The following MYO10 variants were observed in gnomAD, a reference collection of about 807,000 sequenced individuals.
MYO10 encodes the protein unconventional myosin-X.
MYO10 carries 133 observed loss-of-function variants against 257.3 expected under a neutral mutation model. That is an observed-to-expected ratio of 0.52 (90% confidence interval 0.45 to 0.60). MYO10 has a LOEUF of 0.60. MYO10 is among the 20% of genes least tolerant of loss of function. The pLI, the probability that MYO10 is intolerant of heterozygous loss-of-function variation, is 0.00. For synonymous variants in MYO10, 1,104 were observed against 1,028.6 expected, an observed-to-expected ratio of 1.07 and a Z score of -1.40; for missense variants, 2,399 against 2,635.7, an observed-to-expected ratio of 0.91 and a Z score of 1.97.
intron 3 of MYO10, among the ~76,000 whole-genome samples, chr5:16,797,849 G>T (rs1333354811): frequency 1.3e-5 from 2 of 152,232 alleles, no homozygotes; most frequent in African/African-American, 4.8e-5. Context: ...GTAGAACTAA[G>T]ATACAGGTTG....
intron 1 of MYO10, among the ~76,000 whole-genome samples, chr5:16,881,568 C>T (rs371422956): frequency 1.3e-5 from 2 of 152,200 alleles, no homozygotes; most frequent in South Asian, 4.1e-4. Flanking sequence ...CAGCTGTCTT[C>T]CACAGGTGGG....
At chr5:16,804,235 C>G (rs1580008385) in intron 3 of MYO10, among the ~76,000 whole-genome samples, 2 of 152,166 alleles carry the variant, frequency 1.3e-5, no homozygotes, top group East Asian at 1.9e-4. Flanking sequence ...GGCGACCCAC[C>G]CACTCCCTTC....
At chr5:16,781,079 ATTT>A (rs36090678) in intron 6 of MYO10, among the ~76,000 whole-genome samples, 12 of 145,448 alleles carry the variant, frequency 8.3e-5, no homozygotes, top group Non-Finnish European at 7.6e-5. Flanking sequence ...ATTTCACAGA[ATTT>A]TTTTTTTTTT....
chr5:16,732,406 G>A (rs748161172), intron 19 of MYO10, among the ~76,000 whole-genome samples: 2 of 152,170 alleles, frequency 1.3e-5, no homozygotes, highest in Non-Finnish European at 2.9e-5. Context: ...TTTATCTAGT[G>A]AACCTAACGA....
chr5:16,685,718 C>CAA lies in MYO10; in HGVS notation c.3990+19_3990+20insTT, dbSNP rs2126509436. ...CTGCCCCTAGACGCCCCACCCCCAT[C>CAA]CCACACAGTGCTCCCGTACCACAGC... On this transcript the variant is annotated intron_variant, in intron 29 of 40. Coordinates refer to ENST00000513610, the MANE Select transcript of MYO10 (RefSeq NM_012334.3). 40 of 889,494 alleles carry CAA rather than the reference C, an allele frequency of 4.5e-5. No individual in the cohort carries two copies. Among genetic ancestry groups the CAA allele is most frequent in the East Asian group, 8.9e-5 (2 of 22,494 alleles). The allele number at this position is 889,494 out of a possible 1,614,324, so 55.1% of individuals were successfully genotyped here.
intron 21 of MYO10, among the ~76,000 whole-genome samples, chr5:16,710,296 AAAG>A (rs1438183626): frequency 6.6e-5 from 10 of 152,318 alleles, no homozygotes; most frequent in African/African-American, 1.4e-4. Context: ...CCTGATCCAG[AAAG>A]AAGAAGTCAT....
At chr5:16,750,477 C>T (rs1270122840) in intron 19 of MYO10, among the ~76,000 whole-genome samples, 1 of 151,996 alleles carries the variant, frequency 6.6e-6, no homozygotes, top group Non-Finnish European at 1.5e-5. Flanking sequence ...CCCAGATGCG[C>T]GTTCTGGGGT....
intron 19 of MYO10, among the ~76,000 whole-genome samples, chr5:16,727,891 A>C (rs1453897709): frequency 6.6e-6 from 1 of 152,042 alleles, no homozygotes; most frequent in Non-Finnish European, 1.5e-5. Context: ...AAAAAAAAAA[A>C]AAACTAGCAA....
intron 19 of MYO10, among the ~76,000 whole-genome samples, chr5:16,714,850 A>C (rs1738778921): frequency 6.6e-6 from 1 of 152,182 alleles, no homozygotes; most frequent in South Asian, 2.1e-4. Context: ...TGTAGCAGGG[A>C]GTGGCGATGG....
intron 19 of MYO10, among the ~76,000 whole-genome samples, chr5:16,716,651 G>T (rs534560405): frequency 6.6e-6 from 1 of 151,578 alleles, no homozygotes; most frequent in Admixed American, 6.6e-5. Context: ...TGAGAAACTC[G>T]CAAAAACCAA....
At chr5:16,889,337 C>T (rs868506680) in intron 1 of MYO10, among the ~76,000 whole-genome samples, 3 of 151,666 alleles carry the variant, frequency 2.0e-5, no homozygotes, top group Admixed American at 1.3e-4. Context: ...ACCCAGGAGG[C>T]GGAGGTTGCG....
At chr5:16,833,358 T>C (rs958408447) in intron 2 of MYO10, among the ~76,000 whole-genome samples, 1 of 151,844 alleles carries the variant, frequency 6.6e-6, no homozygotes, top group Admixed American at 6.6e-5. Flanking sequence ...GGAGTACAGG[T>C]GTCCACCACC....
intron 4 of MYO10, among the ~76,000 whole-genome samples, chr5:16,787,289 T>A (rs768577195): frequency 6.6e-6 from 1 of 152,090 alleles, no homozygotes; most frequent in Non-Finnish European, 1.5e-5. Context: ...TGTCTACTCA[T>A]ATATTGGGCT....
chr5:16,731,847 T>A (rs779084818), intron 19 of MYO10, among the ~76,000 whole-genome samples: 17 of 152,206 alleles, frequency 1.1e-4, no homozygotes, highest in Non-Finnish European at 1.5e-5. Flanking sequence ...ACGTGCTGTG[T>A]TCACTCTGGG....
At chr5:16,842,120 T>C (rs944173062) in intron 2 of MYO10, among the ~76,000 whole-genome samples, 2 of 152,180 alleles carry the variant, frequency 1.3e-5, no homozygotes, top group Non-Finnish European at 2.9e-5. Flanking sequence ...AAGCATCTTA[T>C]AGAACCCTTT....
intron 2 of MYO10, among the ~76,000 whole-genome samples, chr5:16,875,365 C>T (rs1030553628): frequency 6.6e-6 from 1 of 152,164 alleles, no homozygotes; most frequent in African/African-American, 2.4e-5. Flanking sequence ...GTGGCCAGTC[C>T]TATCCTACAG....
At chr5:16,788,525 G>A (rs1057163102) in intron 4 of MYO10, among the ~76,000 whole-genome samples, 2 of 152,134 alleles carry the variant, frequency 1.3e-5, no homozygotes, top group African/African-American at 4.8e-5. Flanking sequence ...CACAAGAGGA[G>A]GGACAAGTTT....
At chr5:16,743,803 A>C (rs771834895) in intron 19 of MYO10, among the ~76,000 whole-genome samples, 3 of 152,196 alleles carry the variant, frequency 2.0e-5, no homozygotes, top group Admixed American at 6.5e-5. Context: ...TATTTGTCAA[A>C]AGTCAAAGAA....
At chr5:16,791,424 C>T (rs970197429) in intron 4 of MYO10, among the ~76,000 whole-genome samples, 1 of 152,046 alleles carries the variant, frequency 6.6e-6, no homozygotes, top group African/African-American at 2.4e-5. Context: ...TAGATAAATA[C>T]AGTTACTCTG....
Sources: gnomAD v4.1 joint callset for allele counts (sites outside exome capture counted in the v4.1 genomes callset) on GRCh38, gnomAD v4.1.1 for gene constraint, MANE v1.5 for transcripts, NCBI Gene and HGNC (gene_info 2026-07-23, HGNC 2026-07-21) for gene names.